KLHL29: variants seen among roughly 807,000 people sequenced by gnomAD.
KLHL29 encodes the protein kelch like family member 29.
A neutral mutation model predicts 80.4 loss-of-function variants in KLHL29; 21 were observed. That is an observed-to-expected ratio of 0.26 (90% confidence interval 0.19 to 0.38). The LOEUF (loss-of-function observed/expected upper bound fraction) is 0.38, where lower values mean the gene tolerates loss of function less well. Ranked by LOEUF, KLHL29 falls within the 10% of genes least tolerant of loss-of-function variation. The pLI is 1.00. For synonymous variants in KLHL29, 511 were observed against 526.8 expected, an observed-to-expected ratio of 0.97 and a Z score of 0.41; for missense variants, 867 against 1,223.9, an observed-to-expected ratio of 0.71 and a Z score of 4.35.
At chr2:23,641,376 A>G (rs1451528774) in intron 4 of KLHL29, among the ~76,000 whole-genome samples, 1 of 152,132 alleles carries the variant, frequency 6.6e-6, no homozygotes, top group East Asian at 1.9e-4. Flanking sequence ...AGGCCCGGCC[A>G]GCCTTTCCAT....
chr2:23,488,081 C>G (rs1366554676), intron 2 of KLHL29, among the ~76,000 whole-genome samples: 1 of 152,224 alleles, frequency 6.6e-6, no homozygotes, highest in Non-Finnish European at 1.5e-5. Flanking sequence ...CAGCTTCAAA[C>G]AGCTGGAATC....
At chr2:23,459,372 A>T (rs1664146890) in intron 1 of KLHL29, among the ~76,000 whole-genome samples, 1 of 152,176 alleles carries the variant, frequency 6.6e-6, no homozygotes. Flanking sequence ...TTGGAGAGTC[A>T]TCAGCATATG....
At chr2:23,626,690 C>T (rs113727851) in intron 3 of KLHL29, among the ~76,000 whole-genome samples, 273 of 152,342 alleles carry the variant, frequency 1.8e-3, no homozygotes, top group African/African-American at 6.2e-3. Flanking sequence ...TTCCTTGTAG[C>T]GGCCCATCCT....
rs959965704 is a variant in KLHL29 at position 23,681,150 on chromosome 2, C to T, written c.941-3249C>T. Among the ~76,000 whole-genome samples, 5 of 152,226 alleles carry T rather than the reference C, an allele frequency of 3.3e-5. No homozygotes were observed. Among genetic ancestry groups the T allele is most frequent in the Admixed American group, 1.3e-4 (2 of 15,284 alleles). ...GAGCCTAAGCTCCTGCTTCGCCGGC[C>T]GGGCAGGCAGTGGGCAGCAGCCCGC... On this transcript the variant is annotated intron_variant, in intron 5 of 13. Coordinates refer to ENST00000486442, the MANE Select transcript of KLHL29 (RefSeq NM_052920.2). The surrounding 1 kb of genome is among the most constrained non-coding windows in gnomAD (Gnocchi z 4.2).
rs546341181 is a variant in KLHL29 at position 23,691,885 on chromosome 2, G to A, written c.1282+9G>A. On this transcript the variant is annotated intron_variant, in intron 7 of 13. Coordinates refer to ENST00000486442, the MANE Select transcript of KLHL29 (RefSeq NM_052920.2). ...CTGCGTGTCCTTTCTCGGTGAGCCC[G>A]GGGGCCACATATGTCGCTTGGGGGG... 183 of 1,546,308 alleles carry A rather than the reference G, an allele frequency of 1.2e-4. No individual in the cohort carries two copies. Among genetic ancestry groups the A allele is most frequent in the Non-Finnish European group, 1.5e-4 (176 of 1,146,304 alleles).
chr2:23,458,449 A>G (rs1306318013), intron 1 of KLHL29, among the ~76,000 whole-genome samples: 1 of 152,360 alleles, frequency 6.6e-6, no homozygotes, highest in Non-Finnish European at 1.5e-5. Flanking sequence ...AACCAGCTGC[A>G]TTTGGCCACA....
At chr2:23,653,214 A>G (rs6739949) in intron 5 of KLHL29, among the ~76,000 whole-genome samples, 25,028 of 152,124 alleles carry the variant, frequency 0.16, 2,781 homozygotes, top group African/African-American at 0.3. Flanking sequence ...AGGTGGGGAA[A>G]CTGAGGCTCA....
At chr2:23,410,627 A>T (rs1166944000) in intron 1 of KLHL29, among the ~76,000 whole-genome samples, 1 of 152,004 alleles carries the variant, frequency 6.6e-6, no homozygotes, top group Non-Finnish European at 1.5e-5. Context: ...TCTTAGTAGT[A>T]AGGGTCAAGC....
intron 3 of KLHL29, among the ~76,000 whole-genome samples, chr2:23,585,370 A>G (rs933233581): frequency 5.9e-5 from 9 of 152,196 alleles, no homozygotes; most frequent in East Asian, 1.9e-4. Flanking sequence ...AAGATTATCA[A>G]TGGTATTAAG....
rs1216985004 is a variant in KLHL29, at chr2:23,695,156, G to A, written c.1543-467G>A. Among the ~76,000 whole-genome samples the A allele has an allele frequency of 3.9e-5, 6 of 152,130 alleles. No individual in the cohort carries two copies. Among genetic ancestry groups the A allele is most frequent in the African/African-American group, 7.2e-5 (3 of 41,402 alleles). ...GTGCTGGAGAGACACAGGCTCCCAC[G>A]GCTGAGACTTACAAGCTCAATAGTC... On this transcript the variant is annotated intron_variant, in intron 8 of 13. Coordinates refer to ENST00000486442, the MANE Select transcript of KLHL29 (RefSeq NM_052920.2). This position sits in a 1 kb window ranked among gnomAD's most constrained non-coding sequence, Gnocchi z 7.6.
At chr2:23,488,784 C>T (rs1479266042) in intron 2 of KLHL29, among the ~76,000 whole-genome samples, 2 of 152,188 alleles carry the variant, frequency 1.3e-5, no homozygotes, top group African/African-American at 4.8e-5. Context: ...ACATTTTCCT[C>T]CAGGCTTGGC....
chr2:23,567,131 C>T lies in KLHL29; in HGVS notation c.285+4650C>T, dbSNP rs568217951. ...TCCACTGCCAGGCCTGTTTGTGGGC[C>T]TGAAGGGAAGCCCCAGTGCCCCACA... On this transcript the variant is annotated intron_variant, in intron 3 of 13. Transcript: ENST00000486442. Among the ~76,000 whole-genome samples the T allele has an allele frequency of 2.1e-4, 32 of 152,286 alleles. 1 individual carries two copies. Among genetic ancestry groups the T allele is most frequent in the African/African-American group, 7.2e-4 (30 of 41,568 alleles).
At chr2:23,400,639 T>G (rs1024200816) in intron 1 of KLHL29, among the ~76,000 whole-genome samples, 1 of 151,916 alleles carries the variant, frequency 6.6e-6, no homozygotes, top group South Asian at 2.1e-4. Context: ...AAAGGTCAAC[T>G]TGGGAAATAT....
At chr2:23,638,444 A>C (rs1669677240) in intron 3 of KLHL29, among the ~76,000 whole-genome samples, 1 of 151,924 alleles carries the variant, frequency 6.6e-6, no homozygotes, top group Non-Finnish European at 1.5e-5. Flanking sequence ...TCTGAACTAG[A>C]GAGTGGGCTC....
intron 2 of KLHL29, among the ~76,000 whole-genome samples, chr2:23,539,322 G>A (rs1169826118): frequency 1.3e-5 from 2 of 151,566 alleles, no homozygotes; most frequent in Non-Finnish European, 2.9e-5. Flanking sequence ...AAGATTGGAT[G>A]TTGAAAGGAA....
At chr2:23,622,849 C>T (rs916446754) in intron 3 of KLHL29, among the ~76,000 whole-genome samples, 1 of 152,204 alleles carries the variant, frequency 6.6e-6, no homozygotes, top group African/African-American at 2.4e-5. Flanking sequence ...GGTGTAGGTA[C>T]TTGAATTATC....
chr2:23,496,009 C>T (rs916673852), intron 2 of KLHL29, among the ~76,000 whole-genome samples: 6 of 152,346 alleles, frequency 3.9e-5, no homozygotes, highest in South Asian at 4.1e-4. Context: ...TCCCTCAGCC[C>T]GAGCTGCAGC....
In KLHL29 at chr2:23,615,302, G is replaced by A. The variant is rs367738130; in HGVS notation, c.286-23837G>A. On this transcript the variant is annotated intron_variant, in intron 3 of 13. Transcript: ENST00000486442. ...CCTCCTCCTAGAGCCTCACTCTCACGTCCATTTTCACTGAACCGGGTGCTG... is the reference window on the plus strand; with the variant it reads ...CCTCCTCCTAGAGCCTCACTCTCACATCCATTTTCACTGAACCGGGTGCTG... Among the ~76,000 whole-genome samples, 15 of 152,248 alleles carry A rather than the reference G, an allele frequency of 9.9e-5. No homozygotes were observed. In the East Asian group the frequency reaches 1.7e-3, roughly 18 times the overall value.
chr2:23,493,419 G>A (rs1665163065), intron 2 of KLHL29, among the ~76,000 whole-genome samples: 1 of 152,104 alleles, frequency 6.6e-6, no homozygotes, highest in South Asian at 2.1e-4. Flanking sequence ...TATTTTCCAT[G>A]TATCTAATCA....
Sources: allele counts gnomAD v4.1 joint callset (sites outside exome capture counted in the v4.1 genomes callset), GRCh38; gene constraint gnomAD v4.1.1; non-coding constraint Gnocchi (gnomAD v3.1); transcripts MANE v1.5; gene names NCBI Gene and HGNC (gene_info 2026-07-23, HGNC 2026-07-21).